Variants in TRIM2 observed in about 807,000 individuals in gnomAD.
The protein encoded by TRIM2 is tripartite motif-containing protein 2.
TRIM2 carries 20 observed loss-of-function variants against 75.2 expected under a neutral mutation model. The observed-to-expected ratio is 0.27, with a 90% CI of 0.19 to 0.39. TRIM2 has a LOEUF of 0.39. Among genes scored for constraint, TRIM2 ranks in the 10% least tolerant of loss-of-function variants. The pLI is 1.00. For synonymous variants in TRIM2, 373 were observed against 388.3 expected (o/e 0.96, Z 0.46); for missense variants, 660 against 990.8 (o/e 0.67, Z 4.48).
chr4:153,312,970 A>G (rs1012100783), intron 6 of TRIM2, among the ~76,000 whole-genome samples: 3 of 152,178 alleles, frequency 2.0e-5, no homozygotes, highest in Admixed American at 6.5e-5. Context: ...ACAAATATAA[A>G]ATAAAAATGG....
At chr4:153,166,112 T>G (rs1017102375) in intron 1 of TRIM2, among the ~76,000 whole-genome samples, 8 of 151,906 alleles carry the variant, frequency 5.3e-5, no homozygotes, top group African/African-American at 1.9e-4. Context: ...TCCTTGTTCT[T>G]TTTTAAAAAA....
In TRIM2 at chr4:153,294,336, A is replaced by G. The variant is rs1488524141; in HGVS notation, c.637A>G (p.Ile213Val). 1.2e-6 allele frequency: 2 copies of G among 1,614,066 alleles called. No individual in the cohort carries two copies. The highest frequency in any genetic ancestry group is 1.3e-5 in the African/African-American group (1 of 74,944). The change falls in exon 5 of 12, where the codon ATC becomes GTC. Residue 213 changes from isoleucine (I) to valine (V), a missense_variant. Ile to Val is a conservative substitution (Grantham distance 29, BLOSUM62 3). Transcript: ENST00000338700. ...AGAAATAGATTCTGCTCTTCAGTTC[A>G]TCTCTGAAATCATTCATCAGTTAAC... ...LPEIDSALQF[I>V]SEIIHQLTNQ...
At chr4:153,210,592 C>T (rs1307226141) in intron 1 of TRIM2, among the ~76,000 whole-genome samples, 1 of 152,196 alleles carries the variant, frequency 6.6e-6, no homozygotes, top group Non-Finnish European at 1.5e-5. Context: ...AAGGAAGGAA[C>T]TAGAGCTCTC....
chr4:153,193,762 C>G (rs1026295491), intron 1 of TRIM2, among the ~76,000 whole-genome samples: 1 of 152,058 alleles, frequency 6.6e-6, no homozygotes, highest in African/African-American at 2.4e-5. Flanking sequence ...AGCAGAAACA[C>G]AAAATTGGAC....
At chr4:153,196,085 C>T (rs1307322143) in intron 1 of TRIM2, among the ~76,000 whole-genome samples, 4 of 152,226 alleles carry the variant, frequency 2.6e-5, no homozygotes, top group Non-Finnish European at 5.9e-5. Flanking sequence ...GCTGGGATTA[C>T]AGGCGTGAGC....
intron 6 of TRIM2, chr4:153,310,265 T>C (rs528114086): frequency 1.1e-4 from 17 of 152,342 alleles, no homozygotes; most frequent in Non-Finnish European, 1.9e-4. Context: ...GAAAAATATT[T>C]TATAAGTATT....
chr4:153,215,535 C>T (rs922794897), intron 1 of TRIM2, among the ~76,000 whole-genome samples: 1 of 151,924 alleles, frequency 6.6e-6, no homozygotes, highest in Non-Finnish European at 1.5e-5. Flanking sequence ...GGGAGGGGTG[C>T]ATCTGGAGTG....
Position 153,240,000 on chromosome 4 carries a change from A to G in TRIM2, c.31-30335A>G, listed in dbSNP as rs572661443. 8.6e-5 allele frequency among the ~76,000 whole-genome samples: 13 copies of G among 151,892 alleles called. No individual in the cohort carries two copies. The East Asian group carries it at 2.3e-3, about 27-fold the overall frequency. Reference sequence around the variant, plus strand: ...CATCCACGCGCCACACGCCCAGCTAATTTTTCTATTTTTAGTAGAGAGAGG... The same window carrying G: ...CATCCACGCGCCACACGCCCAGCTAGTTTTTCTATTTTTAGTAGAGAGAGG... On this transcript the variant is annotated intron_variant, in intron 1 of 11. Transcript: ENST00000338700.
intron 1 of TRIM2, among the ~76,000 whole-genome samples, chr4:153,239,716 C>T (rs934429581): frequency 6.6e-6 from 1 of 152,102 alleles, no homozygotes; most frequent in Non-Finnish European, 1.5e-5. Context: ...CTCTTCAACA[C>T]ATAACATCTT....
At chr4:153,308,451 G>A (rs1389555597) in intron 6 of TRIM2, 5 of 791,320 alleles carry the variant, frequency 6.3e-6, no homozygotes, top group Non-Finnish European at 1.2e-5. Context: ...CTGAGCAGGT[G>A]TCTTTAATAG....
chr4:153,312,649 T>C (rs1009017571), intron 6 of TRIM2, among the ~76,000 whole-genome samples: 1 of 152,116 alleles, frequency 6.6e-6, no homozygotes, highest in Non-Finnish European at 1.5e-5. Context: ...GTCAGTGTGG[T>C]GATTCCTCAG....
intron 1 of TRIM2, among the ~76,000 whole-genome samples, chr4:153,212,667 GAAAA>G (rs773459081): frequency 9.2e-5 from 14 of 152,058 alleles, no homozygotes; most frequent in Non-Finnish European, 1.8e-4. Flanking sequence ...AGGAAAAAAA[GAAAA>G]AGAAAGAAAA....
Position 153,253,794 on chromosome 4 carries a change from G to A in TRIM2, c.31-16541G>A, listed in dbSNP as rs553969298. On this transcript the variant is annotated intron_variant, in intron 1 of 11. Transcript: ENST00000338700. Reference sequence around the variant, plus strand: ...GACAGTTTACAAATGCCATGGCAATGTCAGGAAGTTACCCTATATGTTCGA... The same window carrying A: ...GACAGTTTACAAATGCCATGGCAATATCAGGAAGTTACCCTATATGTTCGA... Among the ~76,000 whole-genome samples, 194 of 152,296 alleles carry A rather than the reference G, an allele frequency of 1.3e-3. 2 individuals are homozygous for A. The highest frequency in any genetic ancestry group is 1.8e-4 in the Non-Finnish European group (12 of 68,022).
At chr4:153,243,821 C>CTT (rs1560871317) in intron 1 of TRIM2, among the ~76,000 whole-genome samples, 1,232 of 104,534 alleles carry the variant, frequency 0.012, 23 homozygotes, top group African/African-American at 0.044. Context: ...TTTTTTTTCC[C>CTT]CCCCCCCTTG....
In TRIM2 at chr4:153,337,940, A is replaced by G; in HGVS notation, c.*2974A>G. ...GCTGGACATGGGGAGGCAGAGAGTC[A>G]CTTGACCATCCAGAAATACATGACT... On this transcript the variant is annotated 3_prime_UTR_variant, in exon 12 of 12. Coordinates refer to ENST00000338700, the MANE Select transcript of TRIM2 (RefSeq NM_015271.5). 2.0e-6 allele frequency: 2 copies of G among 985,836 alleles called. No individual in the cohort carries two copies. The highest frequency in any genetic ancestry group is 9.4e-5 in the South Asian group (2 of 21,278). The allele number at this position is 985,836 out of a possible 1,614,324, so 61.1% of individuals were successfully genotyped here.
intron 3 of TRIM2, among the ~76,000 whole-genome samples, chr4:153,284,048 T>C (rs542292519): frequency 7.7e-4 from 117 of 151,258 alleles, no homozygotes; most frequent in African/African-American, 2.7e-3. Context: ...TTTTGTATTT[T>C]TTTTTTTTTA....
At chr4:153,216,622 TA>T (rs1275585085) in intron 1 of TRIM2, among the ~76,000 whole-genome samples, 1 of 152,238 alleles carries the variant, frequency 6.6e-6, no homozygotes, top group Non-Finnish European at 1.5e-5. Flanking sequence ...TGTGCTACTA[TA>T]ACAAAATGCC....
chr4:153,231,253 A>C lies in TRIM2; in HGVS notation c.30+26693A>C, dbSNP rs56382040. Reference sequence around the variant, plus strand: ...TTAACTCTAGACCCAAGAATATCACATAGGAAACCATTAGGGAGTCATGTG... The same window carrying C: ...TTAACTCTAGACCCAAGAATATCACCTAGGAAACCATTAGGGAGTCATGTG... On this transcript the variant is annotated intron_variant, in intron 1 of 11. Coordinates refer to ENST00000338700, the MANE Select transcript of TRIM2 (RefSeq NM_015271.5). Among the ~76,000 whole-genome samples the C allele has an allele frequency of 2.7e-3, 405 of 152,338 alleles. 1 individual carries two copies. Among genetic ancestry groups the C allele is most frequent in the African/African-American group, 9.3e-3 (386 of 41,572 alleles).
At chr4:153,204,428 G>C (rs1018975956), upstream of TRIM2, 1 of 1,379,948 alleles carries the variant, frequency 7.2e-7, no homozygotes, top group African/African-American at 1.4e-5. Flanking sequence ...TTTAGTAAGG[G>C]CCACCCTTTA....
Sources: gnomAD v4.1 joint callset for allele counts (sites outside exome capture counted in the v4.1 genomes callset) on GRCh38, gnomAD v4.1.1 for gene constraint, MANE v1.5 for transcripts, NCBI Gene and HGNC (gene_info 2026-07-23, HGNC 2026-07-21) for gene names.